DNAH8: variants seen among roughly 807,000 people sequenced by gnomAD.
DNAH8 encodes axonemal beta dynein heavy chain 8.
A neutral mutation model predicts 562.1 loss-of-function variants in DNAH8; 382 were observed. That is an observed-to-expected ratio of 0.68 (90% confidence interval 0.63 to 0.74). DNAH8 has a LOEUF of 0.74. Ranked by LOEUF, DNAH8 falls within the 30% of genes least tolerant of loss-of-function variation. The pLI, the probability that DNAH8 is intolerant of heterozygous loss-of-function variation, is 0.00. For missense variants in DNAH8, 5,203 were observed against 5,620.4 expected, an observed-to-expected ratio of 0.93 and a Z score of 2.37; for synonymous variants, 1,881 against 1,919.4, an observed-to-expected ratio of 0.98 and a Z score of 0.52.
intron 11 of DNAH8, chr6:38,763,220 A>C (rs1766691704): frequency 3.8e-6 from 1 of 265,114 alleles, no homozygotes; most frequent in African/African-American, 2.3e-5. Context: ...AAAGTGAAGC[A>C]AGGGATAGTT....
rs1220055201 is a variant in DNAH8, at chr6:38,790,311, G to A, written c.2687G>A (p.Gly896Glu). ...MKKVESVLRQ[G>E]LTVLTWSSLT... The stretch of plus-strand genomic sequence containing the variant: ...TAGGTGGAATCTGTGTTGAGGCAAG[G>A]ACTCACAGTGTTAACATGGTCGTCT... The change falls in exon 20 of 93, where the codon GGA becomes GAA. Residue 896 changes from glycine to glutamate, a missense_variant. This residue lies in a region of DNAH8 where 2,176 missense variants were observed against 2,365.1 expected (regional missense o/e 0.92). Transcript: ENST00000327475. The A allele has an allele frequency of 2.5e-6, 4 of 1,607,448 alleles. No individual in the cohort carries two copies. Among genetic ancestry groups the A allele is most frequent in the South Asian group, 1.1e-5 (1 of 89,884 alleles).
At position 38,734,458 on chromosome 6, in the gene DNAH8, T is replaced by C; in HGVS notation, c.611-16T>C. 6.2e-7 allele frequency: 1 copy of C among 1,613,292 alleles called. No individual in the cohort carries two copies. The highest frequency in any genetic ancestry group is 8.5e-7 in the Non-Finnish European group (1 of 1,179,818). The stretch of plus-strand genomic sequence containing the variant: ...GTTGTGTGATTATACGCTAAGTTCT[T>C]GACTTTTGTTTTCAGAATGTGGTCG... On this transcript the variant is annotated splice_polypyrimidine_tract_variant and intron_variant, in intron 4 of 92. Transcript: ENST00000327475.
intron 33 of DNAH8, among the ~76,000 whole-genome samples, chr6:38,840,396 C>T (rs187940562): frequency 8.1e-4 from 124 of 152,336 alleles, no homozygotes; most frequent in African/African-American, 2.5e-3. Flanking sequence ...CATTTGTCCA[C>T]TTATGAAATG....
rs1763486546 is a variant in DNAH8 at position 38,973,696 on chromosome 6, C to T, written c.12561C>T (p.Gly4187=). The change falls in exon 84 of 93, where the codon GGC becomes GGT. Residue 4187 remains glycine (G), a synonymous_variant. Transcript: ENST00000327475. ...GWVLLQNCHL[G]LEFMEELLET... is the part of the protein sequence containing the mutation. Reference sequence around the variant, plus strand: ...TATTACTACAAAATTGCCACCTTGGCCTGGAATTCATGGAAGAATTACTAG... The same window carrying T: ...TATTACTACAAAATTGCCACCTTGGTCTGGAATTCATGGAAGAATTACTAG... The T allele has an allele frequency of 1.2e-6, 2 of 1,605,608 alleles. No homozygotes were observed. Among genetic ancestry groups the T allele is most frequent in the Non-Finnish European group, 8.5e-7 (1 of 1,177,078 alleles).
At chr6:38,729,866 A>G in intron 3 of DNAH8, 36 bp from the exon 4 acceptor site, 1 of 1,100,646 alleles carries the variant, frequency 9.1e-7, no homozygotes, top group Non-Finnish European at 1.3e-6. Context: ...ATTTTTCCTT[A>G]GTCGTTTGAT....
intron 21 of DNAH8, among the ~76,000 whole-genome samples, chr6:38,798,842 TG>T (rs1481167939): frequency 1.1e-4 from 17 of 152,130 alleles, no homozygotes; most frequent in African/African-American, 3.9e-4. Flanking sequence ...GTCCCAGTGG[TG>T]GGAAGTCATC....
intron 8 of DNAH8, among the ~76,000 whole-genome samples, chr6:38,749,834 A>AT (rs1765276734): frequency 6.6e-6 from 1 of 151,970 alleles, no homozygotes; most frequent in Admixed American, 6.5e-5. Flanking sequence ...GTTCTTTTTT[A>AT]TTTTTTATTT....
At chr6:38,717,874 C>T (rs1762461842) in intron 1 of DNAH8, among the ~76,000 whole-genome samples, 1 of 151,904 alleles carries the variant, frequency 6.6e-6, no homozygotes, top group Admixed American at 6.6e-5. Context: ...GAAAAAAATG[C>T]TGAGAAACAA....
rs45622336 is a variant in DNAH8, at chr6:38,837,977, G to A, written c.4401G>A (p.Thr1467=). The part of the protein sequence containing the change: ...SFDDLWRKFV[T]YSSGEQLFGL... ...ATGATCTGTGGAGGAAATTTGTTAC[G>A]TATTCATCTGGTGAACAACTTTTTG... Residue 1467 remains threonine (T), a synonymous_variant, in exon 33 of 93, where the codon ACG becomes ACA. Transcript: ENST00000327475. The A allele has an allele frequency of 6.8e-3, 10,943 of 1,612,986 alleles. 60 individuals carry two copies. Among genetic ancestry groups the A allele is most frequent in the Non-Finnish European group, 8.6e-3 (10,129 of 1,179,400 alleles).
rs531155652 is a variant in DNAH8 at position 38,803,898 on chromosome 6, G to A, written c.3034+587G>A. Among the ~76,000 whole-genome samples the A allele has an allele frequency of 1.6e-3, 236 of 152,014 alleles. No homozygotes were observed. The Middle Eastern group carries it at 0.024, about 15-fold the overall frequency. ...ACTCTCAAGGAAGAAAACATGATAT[G>A]GAAGCATGTATTCTCCACCATCCAT... On this transcript the variant is annotated intron_variant, in intron 22 of 92. Transcript: ENST00000327475.
At chr6:38,825,164 G>A (rs1773205016) in intron 28 of DNAH8, among the ~76,000 whole-genome samples, 1 of 152,184 alleles carries the variant, frequency 6.6e-6, no homozygotes, top group African/African-American at 2.4e-5. Context: ...AGGGAAAAGG[G>A]TCCCCTAGGG....
chr6:38,801,269 G>T (rs1469890277), intron 21 of DNAH8, among the ~76,000 whole-genome samples: 1 of 152,092 alleles, frequency 6.6e-6, no homozygotes, highest in African/African-American at 2.4e-5. Context: ...CTTGCAAGTG[G>T]ATATTCAGTT....
At chr6:38,880,949 A>C (rs1008834423) in intron 53 of DNAH8, among the ~76,000 whole-genome samples, 3 of 151,956 alleles carry the variant, frequency 2.0e-5, no homozygotes, top group Non-Finnish European at 1.5e-5. Context: ...AATTGCTTGA[A>C]CCCGGAGATG....
chr6:38,881,638 G>A (rs1386558141), intron 53 of DNAH8, among the ~76,000 whole-genome samples: 3 of 145,634 alleles, frequency 2.1e-5, no homozygotes, highest in Non-Finnish European at 4.5e-5. Flanking sequence ...CACAACCTCC[G>A]CCTCCCGGGT....
intron 75 of DNAH8, among the ~76,000 whole-genome samples, chr6:38,930,603 A>G (rs1782483943): frequency 6.6e-6 from 1 of 152,166 alleles, no homozygotes; most frequent in African/African-American, 2.4e-5. Flanking sequence ...ATCATTCTAT[A>G]AGATTAGAGG....
intron 66 of DNAH8, among the ~76,000 whole-genome samples, chr6:38,912,006 C>A (rs1780942195): frequency 6.6e-6 from 1 of 152,116 alleles, no homozygotes; most frequent in African/African-American, 2.4e-5. Context: ...GAAGCAAAAA[C>A]AAATAAAAAC....
intron 53 of DNAH8, among the ~76,000 whole-genome samples, chr6:38,880,457 A>T (rs1778388966): frequency 6.6e-6 from 1 of 152,132 alleles, no homozygotes. Context: ...ATGGGGGGAA[A>T]AATCTCTTTT....
intron 62 of DNAH8, among the ~76,000 whole-genome samples, chr6:38,905,022 A>G (rs953935219): frequency 2.0e-5 from 3 of 152,172 alleles, no homozygotes; most frequent in Non-Finnish European, 4.4e-5. Flanking sequence ...TGCAAAAGCA[A>G]TACATCACAG....
intron 6 of DNAH8, 110 bp from the exon 7 acceptor site, chr6:38,737,699 C>G (rs1764204096): frequency 2.4e-6 from 1 of 414,614 alleles, no homozygotes; most frequent in South Asian, 8.9e-5. Flanking sequence ...ACTTTTAACA[C>G]ATTGACATTA....
Sources: gnomAD v4.1 joint callset for allele counts (sites outside exome capture counted in the v4.1 genomes callset) on GRCh38, gnomAD v4.1.1 for gene constraint, gnomAD v4.1.1 regional missense constraint, MANE v1.5 for transcripts, NCBI Gene and HGNC (gene_info 2026-07-23, HGNC 2026-07-21) for gene names.